CREBZF: variants seen among roughly 807,000 people sequenced by gnomAD.
CREBZF encodes the protein CREB/ATF bZIP transcription factor.
CREBZF carries 8 observed loss-of-function variants against 21.1 expected under a neutral mutation model. That is an observed-to-expected ratio of 0.38 (90% confidence interval 0.22 to 0.68). The LOEUF is 0.68. CREBZF is among the 30% of genes least tolerant of loss of function. The pLI, the probability that CREBZF is intolerant of heterozygous loss-of-function variation, is 0.51. For missense variants in CREBZF, 518 were observed against 484.3 expected (o/e 1.07, Z -0.65); for synonymous variants, 270 against 223.3 (o/e 1.21, Z -1.86).
Position 85,664,632 on chromosome 11 carries a change from C to G in CREBZF, c.244G>C (p.Glu82Gln). Reference sequence around the variant, plus strand: ...CTGGCGATCGCCTCCTCCTCCATCTCCTCGGGGGAGGGCGCGCGCACGGCC... The same window carrying G: ...CTGGCGATCGCCTCCTCCTCCATCTGCTCGGGGGAGGGCGCGCGCACGGCC... ...GVAVRAPSPEEMEEEAIASLP... is the reference protein window; with the variant it reads ...GVAVRAPSPEQMEEEAIASLP... Residue 82 changes from glutamate (E) to glutamine (Q), a missense_variant, in exon 1 of 1, where the codon GAG becomes CAG. Physicochemically the swap from Glu to Gln is conservative, Grantham distance 29. This residue lies in a region of CREBZF where 396 missense variants were observed against 324.4 expected (regional missense o/e 1.22). Transcript: ENST00000527447. This position sits in a 1 kb window ranked among gnomAD's most constrained non-coding sequence, Gnocchi z 5.5. The G allele has an allele frequency of 1.9e-6, 3 of 1,610,938 alleles. No homozygotes were observed. Among genetic ancestry groups the G allele is most frequent in the Non-Finnish European group, 2.5e-6 (3 of 1,178,480 alleles).
At chr11:85,667,111 C>A (rs1209464685), upstream of CREBZF, among the ~76,000 whole-genome samples, 1 of 152,108 alleles carries the variant, frequency 6.6e-6, no homozygotes, top group African/African-American at 2.4e-5. Context: ...TGTAATCCTA[C>A]CACTTTGGGA....
chr11:85,663,464 G>T lies in CREBZF; in HGVS notation c.*347C>A. On this transcript the variant is annotated 3_prime_UTR_variant, in exon 1 of 1. Transcript: ENST00000527447. The stretch of plus-strand genomic sequence containing the variant: ...TCACACACACACAAACTGAGATGTT[G>T]CCCATTAAAGTAGACAAAGCAGCAG... The T allele has an allele frequency of 1.3e-6, 1 of 755,180 alleles. No individual in the cohort carries two copies. The highest frequency in any genetic ancestry group is 2.3e-6 in the Non-Finnish European group (1 of 426,628). The allele number at this position is 755,180 out of a possible 1,614,324, so 46.8% of individuals were successfully genotyped here.
At chr11:85,671,780 A>G (rs1345957795) in intron 1 of CREBZF, among the ~76,000 whole-genome samples, 1 of 152,196 alleles carries the variant, frequency 6.6e-6, no homozygotes, top group Non-Finnish European at 1.5e-5. Context: ...GTGGCTTTGC[A>G]GGGTCCAGGC....
chr11:85,670,273 C>G (rs1473554197), intron 1 of CREBZF, among the ~76,000 whole-genome samples: 2 of 106,686 alleles, frequency 1.9e-5, no homozygotes, highest in African/African-American at 3.5e-5. Flanking sequence ...ACTTTAATCC[C>G]CCCCCCCCAC....
In CREBZF at chr11:85,663,790, T is replaced by C; in HGVS notation, c.*21A>G. On this transcript the variant is annotated 3_prime_UTR_variant, in exon 1 of 1. Coordinates refer to ENST00000527447, the MANE Select transcript of CREBZF (RefSeq NM_001039618.4). ...GGGAGTTGAAAGGGGTAAACGCGGATAAAGAGCAGATTACTTGACCCTACA... is the reference window on the plus strand; with the variant it reads ...GGGAGTTGAAAGGGGTAAACGCGGACAAAGAGCAGATTACTTGACCCTACA... 1 of 1,583,802 alleles carries C rather than the reference T, an allele frequency of 6.3e-7. No homozygotes were observed. Among genetic ancestry groups the C allele is most frequent in the Non-Finnish European group, 8.6e-7 (1 of 1,167,238 alleles).
rs2082757595 is a variant in CREBZF, at chr11:85,663,759, G to A, written c.*52C>T. 1 of 1,584,600 alleles carries A rather than the reference G, an allele frequency of 6.3e-7. No individual in the cohort carries two copies. Among genetic ancestry groups the A allele is most frequent in the Admixed American group, 1.7e-5 (1 of 57,994 alleles). On this transcript the variant is annotated 3_prime_UTR_variant, in exon 1 of 1. Transcript: ENST00000527447. ...GTCCCACTAAGGTAAGTTTGACATG[G>A]TGTAAGGGAGTTGAAAGGGGTAAAC...
chr11:85,663,342 T>G lies in CREBZF; in HGVS notation c.*469A>C. On this transcript the variant is annotated 3_prime_UTR_variant, in exon 1 of 1. Transcript: ENST00000527447. ...GCTATTTCAACCAGAAGAGGCATCT[T>G]AAATACATTCTTGACCAGCACAAGT... is the stretch of plus-strand genomic sequence containing the variant. 1 of 609,424 alleles carries G rather than the reference T, an allele frequency of 1.6e-6. No individual in the cohort carries two copies. Among genetic ancestry groups the G allele is most frequent in the South Asian group, 2.0e-5 (1 of 49,776 alleles). The allele number at this position is 609,424 out of a possible 1,614,324, so 37.8% of individuals were successfully genotyped here.
upstream of CREBZF, among the ~76,000 whole-genome samples, chr11:85,667,197 A>ACCCCCCCCCCCCCCC (rs2082878044): frequency 1.2e-5 from 1 of 85,574 alleles, no homozygotes; most frequent in Non-Finnish European, 2.5e-5. Context: ...CCAACCCCCC[A>ACCCCCCCCCCCCCCC]CCCCCCGCCG....
In CREBZF at chr11:85,658,136, A is replaced by G. The variant is rs1352612668; in HGVS notation, c.*5675T>C. Among the ~76,000 whole-genome samples the G allele has an allele frequency of 6.6e-6, 1 of 152,004 alleles. No homozygotes were observed. Among genetic ancestry groups the G allele is most frequent in the Non-Finnish European group, 1.5e-5 (1 of 67,862 alleles). On this transcript the variant is annotated 3_prime_UTR_variant, in exon 1 of 1. Coordinates refer to ENST00000527447, the MANE Select transcript of CREBZF (RefSeq NM_001039618.4). The stretch of plus-strand genomic sequence containing the variant: ...CTCATCCCAGTGAAAAAAACAATGA[A>G]TTAAAAGTAATTTCTGGCGTTAACC...
In CREBZF at chr11:85,658,200, T is replaced by C. The variant is rs533380475; in HGVS notation, c.*5611A>G. Among the ~76,000 whole-genome samples, 12 of 152,124 alleles carry C rather than the reference T, an allele frequency of 7.9e-5. No homozygotes were observed. The highest frequency in any genetic ancestry group is 2.9e-4 in the African/African-American group (12 of 41,564). ...AAGACTCCTTAAGAATATAGAATTA[T>C]GTAATCAACTTAGATAATTCAAAGC... is the stretch of plus-strand genomic sequence containing the variant. On this transcript the variant is annotated 3_prime_UTR_variant, in exon 1 of 1. Coordinates refer to ENST00000527447, the MANE Select transcript of CREBZF (RefSeq NM_001039618.4).
At chr11:85,670,335 C>T (rs1271308164) in intron 1 of CREBZF, among the ~76,000 whole-genome samples, 5 of 416 alleles carry the variant, frequency 0.012, no homozygotes, top group African/African-American at 0.056. Flanking sequence ...GACGGAGTCT[C>T]GCTCTGTCAC....
chr11:85,672,995 C>T (rs924235354), intron 1 of CREBZF, among the ~76,000 whole-genome samples: 14 of 152,172 alleles, frequency 9.2e-5, no homozygotes, highest in African/African-American at 2.4e-4. Context: ...CTACAATGGC[C>T]AAAGGAGGAA....
In CREBZF at chr11:85,660,680, G is replaced by C; in HGVS notation, c.*3131C>G. ...AAAATATTTTGAACACTTCTTGTTG[G>C]ATTATATCAGAGGTGTGACTACATT... On this transcript the variant is annotated 3_prime_UTR_variant, in exon 1 of 1. Coordinates refer to ENST00000527447, the MANE Select transcript of CREBZF (RefSeq NM_001039618.4). 2.3e-6 allele frequency: 1 copy of C among 439,710 alleles called. No homozygotes were observed. Among genetic ancestry groups the C allele is most frequent in the Non-Finnish European group, 4.5e-6 (1 of 220,942 alleles). 27.2% of individuals were successfully genotyped at this position (439,710 alleles called of 1,614,324 possible).
In CREBZF at chr11:85,663,456, G is replaced by T; in HGVS notation, c.*355C>A. Reference sequence around the variant, plus strand: ...AAAAAAAATCACACACACACAAACTGAGATGTTGCCCATTAAAGTAGACAA... The same window carrying T: ...AAAAAAAATCACACACACACAAACTTAGATGTTGCCCATTAAAGTAGACAA... On this transcript the variant is annotated 3_prime_UTR_variant, in exon 1 of 1. Coordinates refer to ENST00000527447, the MANE Select transcript of CREBZF (RefSeq NM_001039618.4). 1.3e-6 allele frequency: 1 copy of T among 741,804 alleles called. No homozygotes were observed. The highest frequency in any genetic ancestry group is 2.4e-6 in the Non-Finnish European group (1 of 417,622). The allele number at this position is 741,804 out of a possible 1,614,324, so 46.0% of individuals were successfully genotyped here.
intron 1 of CREBZF, among the ~76,000 whole-genome samples, chr11:85,672,795 G>A (rs1484016165): frequency 2.6e-5 from 4 of 152,186 alleles, no homozygotes; most frequent in Non-Finnish European, 5.9e-5. Flanking sequence ...CAGAGATGAT[G>A]TACCATCATT....
intron 1 of CREBZF, among the ~76,000 whole-genome samples, chr11:85,677,256 C>T (rs989978751): frequency 1.3e-5 from 2 of 152,182 alleles, no homozygotes; most frequent in African/African-American, 4.8e-5. Context: ...TGAGCCACCA[C>T]ACCCGGCTTA....
At chr11:85,680,340 T>C (rs2153330593) in intron 1 of CREBZF, among the ~76,000 whole-genome samples, 1 of 152,362 alleles carries the variant, frequency 6.6e-6, no homozygotes, top group African/African-American at 2.4e-5. Flanking sequence ...CTATTGATGG[T>C]ATGTAAGCTA....
At chr11:85,670,573 T>TTTG (rs1278082302) in intron 1 of CREBZF, among the ~76,000 whole-genome samples, 1 of 152,142 alleles carries the variant, frequency 6.6e-6, no homozygotes, top group East Asian at 1.9e-4. Flanking sequence ...AAGTGCTGGA[T>TTTG]TACAGGCGTG....
rs896459565 is a variant in CREBZF, at chr11:85,658,926, G to C, written c.*4885C>G. Among the ~76,000 whole-genome samples the C allele has an allele frequency of 6.6e-6, 1 of 151,970 alleles. No homozygotes were observed. ...AGCAAAATATTTTCAACAATTTTGG[G>C]TCAACAAAAAGTATGGAATATTTTA... On this transcript the variant is annotated 3_prime_UTR_variant, in exon 1 of 1. Coordinates refer to ENST00000527447, the MANE Select transcript of CREBZF (RefSeq NM_001039618.4).
Sources: allele counts gnomAD v4.1 joint callset (sites outside exome capture counted in the v4.1 genomes callset), GRCh38; gene constraint gnomAD v4.1.1; regional missense constraint gnomAD v4.1.1; non-coding constraint Gnocchi (gnomAD v3.1); transcripts MANE v1.5; gene names NCBI Gene and HGNC (gene_info 2026-07-23, HGNC 2026-07-21).